Variants in FCRL2 observed in about 807,000 individuals in gnomAD.
FCRL2 encodes the protein Fc receptor-like protein 2.
Under a neutral mutation model 59.8 loss-of-function variants are expected in FCRL2, and 48 were observed. The ratio of observed to expected loss-of-function variants is 0.80; its 90% CI spans 0.64 to 1.02. FCRL2 has a LOEUF of 1.02. Ranked by LOEUF, FCRL2 falls within the 50% of genes least tolerant of loss-of-function variation. FCRL2 has a pLI of 0.00. For missense variants in FCRL2, 658 were observed against 597.3 expected (o/e 1.10, Z -1.06); for synonymous variants, 251 against 229.5 (o/e 1.09, Z -0.85).
At chr1:157,775,713 C>T in intron 2 of FCRL2, 62 bp downstream of exon 2, 1 of 1,586,896 alleles carries the variant, frequency 6.3e-7, no homozygotes, top group Non-Finnish European at 8.6e-7. Context: ...CTATAGAATC[C>T]TGGGGTAGTG....
At chr1:157,772,075 G>T (rs1276759611) in intron 2 of FCRL2, among the ~76,000 whole-genome samples, 1 of 151,094 alleles carries the variant, frequency 6.6e-6, no homozygotes, top group East Asian at 1.9e-4. Context: ...GTTGGTTGGA[G>T]AAACAATTAA....
Position 157,746,557 on chromosome 1 carries a change from A to C in FCRL2, c.*179T>G, listed in dbSNP as rs1647757156. 1.6e-6 allele frequency: 1 copy of C among 611,272 alleles called. No individual in the cohort carries two copies. Among genetic ancestry groups the C allele is most frequent in the Non-Finnish European group, 2.9e-6 (1 of 341,818 alleles). The allele number at this position is 611,272 out of a possible 1,614,324, so 37.9% of individuals were successfully genotyped here. A position where few individuals can be genotyped will look rare whatever the true frequency, so the allele number is the denominator to read the frequency against. ...TAGCAGCAGTTCAATGAATATTGATAGGTAAAAGAAGATATTGGAGAAGAA... is the reference window on the plus strand; with the variant it reads ...TAGCAGCAGTTCAATGAATATTGATCGGTAAAAGAAGATATTGGAGAAGAA... On this transcript the variant is annotated 3_prime_UTR_variant, in exon 12 of 12. Transcript: ENST00000361516.
At chr1:157,763,289 G>A (rs899486844) in intron 7 of FCRL2, among the ~76,000 whole-genome samples, 8 of 151,150 alleles carry the variant, frequency 5.3e-5, no homozygotes, top group South Asian at 2.1e-4. Context: ...TTGGGAGGCC[G>A]GGGCAGGAGG....
rs1557865126 is a variant in FCRL2 at position 157,767,246 on chromosome 1, G to GC, written c.1146dup (p.Pro383AlafsTer8). On this transcript the variant is annotated frameshift_variant, in exon 6 of 12. Transcript: ENST00000361516. LOFTEE classifies it high-confidence loss of function. ...ACCCACCCACCTGAGATGGAGACTG[G>GC]CACTGCCTCACTGCACTGGGCCCCC... 6.2e-7 allele frequency: 1 copy of GC among 1,613,138 alleles called. No homozygotes were observed. Among genetic ancestry groups the GC allele is most frequent in the East Asian group, 2.2e-5 (1 of 44,892 alleles).
At chr1:157,750,726 C>T (rs952232781) in intron 7 of FCRL2, among the ~76,000 whole-genome samples, 1 of 152,146 alleles carries the variant, frequency 6.6e-6, no homozygotes, top group Non-Finnish European at 1.5e-5. Flanking sequence ...GTCTACCAAG[C>T]CAAACTGTCA....
At chr1:157,760,755 GAAGA>G (rs1168669909) in intron 7 of FCRL2, among the ~76,000 whole-genome samples, 11 of 124,772 alleles carry the variant, frequency 8.8e-5, no homozygotes, top group African/African-American at 2.7e-4. Flanking sequence ...AAGAAAGAAA[GAAGA>G]AAGAATGAAA....
intron 1 of FCRL2, 58 bp from the exon 2 acceptor site, chr1:157,775,853 A>C (rs775770920): frequency 3.5e-5 from 55 of 1,577,854 alleles, no homozygotes; most frequent in Non-Finnish European, 4.2e-5. Flanking sequence ...ATAATTTATA[A>C]ATTTATATTA....
intron 7 of FCRL2, among the ~76,000 whole-genome samples, chr1:157,765,588 A>T (rs1247298046): frequency 6.6e-6 from 1 of 152,256 alleles, no homozygotes; most frequent in Non-Finnish European, 1.5e-5. Context: ...AACTTCTGAA[A>T]TCACTTGTTC....
chr1:157,764,023 T>A (rs1649306198), intron 7 of FCRL2, among the ~76,000 whole-genome samples: 1 of 125,240 alleles, frequency 8.0e-6, no homozygotes, highest in Admixed American at 8.3e-5. Flanking sequence ...GTGCGAGACT[T>A]CATCTCAAAA....
chr1:157,763,053 G>A (rs1371351634), intron 7 of FCRL2, among the ~76,000 whole-genome samples: 1 of 152,156 alleles, frequency 6.6e-6, no homozygotes, highest in African/African-American at 2.4e-5. Flanking sequence ...GGTACTGGCC[G>A]AGTAAGCATT....
intron 7 of FCRL2, among the ~76,000 whole-genome samples, chr1:157,758,943 T>C (rs143261823): frequency 0.012 from 1,803 of 152,272 alleles, 15 homozygotes; most frequent in Admixed American, 0.019. Flanking sequence ...ATGGATCAAA[T>C]TCTTAAATGT....
Position 157,746,752 on chromosome 1 carries a change from G to T in FCRL2, c.1511C>A (p.Ser504Tyr), listed in dbSNP as rs573347200. 1.2e-6 allele frequency: 2 copies of T among 1,613,930 alleles called. No homozygotes were observed. Among genetic ancestry groups the T allele is most frequent in the South Asian group, 2.2e-5 (2 of 91,074 alleles). The part of the protein sequence containing the change: ...ENKDSQVIYS[S>Y]VKKS ...CTCCAAGTGTTATGATTTCTTCACAGAAGAGTAGATGACTTGGGAGTCCTG... is the reference window on the plus strand; with the variant it reads ...CTCCAAGTGTTATGATTTCTTCACATAAGAGTAGATGACTTGGGAGTCCTG... The change falls in exon 12 of 12, where the codon TCT becomes TAT. Residue 504 changes from serine (S) to tyrosine (Y), a missense_variant. Coordinates refer to ENST00000361516, the MANE Select transcript of FCRL2 (RefSeq NM_030764.4).
chr1:157,768,215 G>T, intron 5 of FCRL2, 199 bp downstream of exon 5: 2 of 554,182 alleles, frequency 3.6e-6, no homozygotes, highest in South Asian at 5.0e-5. Flanking sequence ...CTTCATAATC[G>T]ATTACAGCCC....
At chr1:157,757,879 G>A (rs371262244) in intron 7 of FCRL2, among the ~76,000 whole-genome samples, 2 of 152,268 alleles carry the variant, frequency 1.3e-5, no homozygotes, top group African/African-American at 2.4e-5. Flanking sequence ...GGAGAATGGC[G>A]TGAACCCAGG....
chr1:157,774,566 G>C, intron 2 of FCRL2: 2 of 423,242 alleles, frequency 4.7e-6, no homozygotes, highest in Admixed American at 2.7e-5. Flanking sequence ...TTCTCTGAAT[G>C]GTCGTAGGTG....
chr1:157,748,415 T>C (rs1250800256), intron 10 of FCRL2, 138 bp downstream of exon 10: 2 of 322,308 alleles, frequency 6.2e-6, no homozygotes, highest in Middle Eastern at 1.0e-3. Flanking sequence ...AGAGCAAGGC[T>C]CCTCAAAAGT....
intron 7 of FCRL2, among the ~76,000 whole-genome samples, chr1:157,763,825 C>G (rs1187612066): frequency 2.6e-5 from 4 of 151,870 alleles, no homozygotes; most frequent in Non-Finnish European, 5.9e-5. Flanking sequence ...AGTCAAGAGA[C>G]AGAGAACATC....
chr1:157,748,986 G>T, intron 8 of FCRL2, 26 bp from the exon 9 acceptor site: 2 of 1,595,880 alleles, frequency 1.3e-6, no homozygotes, highest in Non-Finnish European at 1.7e-6. Context: ...TTAATTGTAT[G>T]ATAATCCCCA....
intron 7 of FCRL2, among the ~76,000 whole-genome samples, chr1:157,760,683 GAAAGAAA>G (rs1557860287): frequency 2.0e-4 from 25 of 122,434 alleles, no homozygotes; most frequent in African/African-American, 1.0e-3. Flanking sequence ...AGGAAGGAAA[GAAAGAAA>G]GAAAGAAGGA....
Sources: allele counts gnomAD v4.1 joint callset (sites outside exome capture counted in the v4.1 genomes callset), GRCh38; gene constraint gnomAD v4.1.1; transcripts MANE v1.5; gene names NCBI Gene and HGNC (gene_info 2026-07-23, HGNC 2026-07-21).